ZFAT: variants seen among roughly 807,000 people sequenced by gnomAD.
ZFAT encodes zinc finger and AT-hook domain containing.
In ZFAT, 64 loss-of-function variants were observed where a neutral mutation model predicts 117.7. The observed-to-expected ratio is 0.54, with a 90% confidence interval of 0.44 to 0.67. The LOEUF (loss-of-function observed/expected upper bound fraction) is 0.67. Ranked by LOEUF, ZFAT falls within the 30% of genes least tolerant of loss-of-function variation. The probability of loss-of-function intolerance (pLI) is 0.00; values close to 1 mark genes in which losing one functional copy is unlikely to be tolerated. For synonymous variants in ZFAT, 679 were observed against 615.0 expected (o/e 1.10, Z -1.54); for missense variants, 1,433 against 1,584.5 (o/e 0.90, Z 1.62).
At chr8:134,526,201 G>C (rs1177967808) in intron 12 of ZFAT, among the ~76,000 whole-genome samples, 1 of 152,074 alleles carries the variant, frequency 6.6e-6, no homozygotes, top group Admixed American at 6.6e-5. Context: ...AATTCAGAGA[G>C]GAAAACATTC....
the ZFAT span, among the ~76,000 whole-genome samples, chr8:134,743,525 G>A: frequency 6.6e-6 from 1 of 151,772 alleles, no homozygotes; most frequent in African/African-American, 2.4e-5. Context: ...AATAAATGAA[G>A]GAAAATGTCA....
At position 134,602,607 on chromosome 8, in the gene ZFAT, T is replaced by C. The variant is rs1354163752; in HGVS notation, c.1112A>G (p.Lys371Arg). 6 of 1,614,176 alleles carry C rather than the reference T, an allele frequency of 3.7e-6. No homozygotes were observed. The highest frequency in any genetic ancestry group is 1.6e-4 in the Middle Eastern group (1 of 6,062). The change falls in exon 6 of 16, where the codon AAG becomes AGG. Residue 371 changes from lysine (K) to arginine (R), a missense_variant. Around this residue, in one of 5 missense-constraint regions of ZFAT, gnomAD observed 436 missense variants for 482.0 expected, o/e 0.90. Coordinates refer to ENST00000377838, the MANE Select transcript of ZFAT (RefSeq NM_020863.4). ...KKYSDVKNLI[K>R]HIRDAHDPQD... ...TGGGTCATGCGCGTCTCGGATGTGC[T>C]TGATGAGGTTCTTGACGTCAGAGTA...
chr8:134,778,236 A>G, the ZFAT span, among the ~76,000 whole-genome samples: 1 of 152,090 alleles, frequency 6.6e-6, no homozygotes, highest in African/African-American at 2.4e-5. Context: ...ACAAGAGAAA[A>G]CCCACCAGCA....
At chr8:134,697,620 A>T (rs1188235898) in intron 1 of ZFAT, among the ~76,000 whole-genome samples, 1 of 150,974 alleles carries the variant, frequency 6.6e-6, no homozygotes, top group Admixed American at 6.6e-5. Context: ...CCAGCTACTC[A>T]GGAGGCTGAG....
chr8:134,543,137 G>A (rs1431889697), intron 11 of ZFAT, among the ~76,000 whole-genome samples: 2 of 145,948 alleles, frequency 1.4e-5, no homozygotes, highest in African/African-American at 5.1e-5. Flanking sequence ...GAAGAGATAG[G>A]GTAACATACA....
the ZFAT span, chr8:134,797,518 A>G: frequency 6.6e-6 from 1 of 152,136 alleles, no homozygotes; most frequent in African/African-American, 2.4e-5. Flanking sequence ...AAAAATACTG[A>G]ACATTTTTTA....
At chr8:134,756,071 TG>T in the ZFAT span, among the ~76,000 whole-genome samples, 1 of 150,966 alleles carries the variant, frequency 6.6e-6, no homozygotes, top group East Asian at 2.0e-4. Context: ...TCCTCCTTCC[TG>T]TAGGGCTCTT....
chr8:134,824,858 T>C, the ZFAT span, among the ~76,000 whole-genome samples: 2 of 152,224 alleles, frequency 1.3e-5, no homozygotes, highest in Non-Finnish European at 2.9e-5. Context: ...TCAGAATTCA[T>C]GGTTGGACAA....
intron 15 of ZFAT, among the ~76,000 whole-genome samples, chr8:134,484,554 G>A (rs1817538637): frequency 6.6e-6 from 1 of 152,116 alleles, no homozygotes; most frequent in Admixed American, 6.5e-5. Context: ...CTTATTCTAT[G>A]GAAGGGAAGT....
intron 11 of ZFAT, among the ~76,000 whole-genome samples, chr8:134,551,973 T>A (rs1823202575): frequency 6.6e-6 from 1 of 152,244 alleles, no homozygotes; most frequent in South Asian, 2.1e-4. Context: ...ACGGGTTTTT[T>A]AAGTTACAGG....
chr8:134,633,722 T>C (rs2131082397), intron 3 of ZFAT, among the ~76,000 whole-genome samples: 2 of 152,328 alleles, frequency 1.3e-5, no homozygotes, highest in East Asian at 3.9e-4. Flanking sequence ...GTGCCTTAGT[T>C]TGCTCTTCTA....
chr8:134,760,141 A>C, the ZFAT span, among the ~76,000 whole-genome samples: 1 of 151,478 alleles, frequency 6.6e-6, no homozygotes, highest in East Asian at 1.9e-4. Flanking sequence ...AGTGACGGGC[A>C]CCTGCAGTCC....
chr8:134,492,050 C>A (rs555642296), intron 15 of ZFAT, among the ~76,000 whole-genome samples: 2 of 149,712 alleles, frequency 1.3e-5, no homozygotes, highest in South Asian at 2.1e-4. Flanking sequence ...TTCAGTCATG[C>A]ATGTGTAGGA....
At chr8:134,767,816 C>T in the ZFAT span, among the ~76,000 whole-genome samples, 2 of 152,026 alleles carry the variant, frequency 1.3e-5, no homozygotes, top group African/African-American at 2.4e-5. Flanking sequence ...TGTAAATTTC[C>T]GTTTATCTTG....
At chr8:134,733,177 T>C in the ZFAT span, among the ~76,000 whole-genome samples, 3 of 152,246 alleles carry the variant, frequency 2.0e-5, no homozygotes, top group South Asian at 6.2e-4. Context: ...AATGAAAAAA[T>C]CTGGATTTCT....
intron 15 of ZFAT, among the ~76,000 whole-genome samples, chr8:134,487,385 C>T (rs1038647820): frequency 3.3e-5 from 5 of 152,128 alleles, no homozygotes; most frequent in Non-Finnish European, 7.4e-5. Flanking sequence ...TCTCATGGGG[C>T]CCTGTGAGGA....
At chr8:134,484,497 T>A (rs1446995091) in intron 15 of ZFAT, among the ~76,000 whole-genome samples, 1 of 152,154 alleles carries the variant, frequency 6.6e-6, no homozygotes, top group African/African-American at 2.4e-5. Flanking sequence ...GCATTGTCTA[T>A]GGAGGAGAGT....
At chr8:134,535,230 G>A (rs943255867) in intron 11 of ZFAT, among the ~76,000 whole-genome samples, 2 of 152,156 alleles carry the variant, frequency 1.3e-5, no homozygotes, top group Non-Finnish European at 2.9e-5. Flanking sequence ...GTTGATTGGT[G>A]GATCTATATG....
intron 4 of ZFAT, 114 bp downstream of exon 4, chr8:134,610,356 A>C: frequency 2.6e-6 from 3 of 1,147,246 alleles, no homozygotes; most frequent in Non-Finnish European, 3.6e-6. Context: ...GATTAAATGG[A>C]GAGCCCCACC....
Sources: allele counts gnomAD v4.1 joint callset (sites outside exome capture counted in the v4.1 genomes callset), GRCh38; gene constraint gnomAD v4.1.1; regional missense constraint gnomAD v4.1.1; transcripts MANE v1.5; gene names NCBI Gene and HGNC (gene_info 2026-07-23, HGNC 2026-07-21).